NUP210L: variants seen among roughly 807,000 people sequenced by gnomAD.
NUP210L encodes the protein nuclear pore membrane glycoprotein 210-like.
A neutral mutation model predicts 208.5 loss-of-function variants in NUP210L; 74 were observed. The ratio of observed to expected loss-of-function variants is 0.35; its 90% CI spans 0.29 to 0.43. The LOEUF (loss-of-function observed/expected upper bound fraction) is 0.43, where lower values mean the gene tolerates loss of function less well. NUP210L is among the 20% of genes least tolerant of loss of function. NUP210L has a pLI of 1.00. For synonymous variants in NUP210L, 780 were observed against 816.9 expected, an observed-to-expected ratio of 0.95 and a Z score of 0.77; for missense variants, 1,843 against 2,289.4, an observed-to-expected ratio of 0.81 and a Z score of 3.98.
intron 36 of NUP210L, among the ~76,000 whole-genome samples, chr1:154,001,491 C>T (rs570907332): frequency 3.9e-5 from 6 of 152,086 alleles, no homozygotes; most frequent in Non-Finnish European, 8.8e-5. Context: ...CCACCGCGCT[C>T]GGCCAATCAT....
chr1:153,997,507 A>C (rs1571146498), intron 37 of NUP210L, among the ~76,000 whole-genome samples: 10 of 123,422 alleles, frequency 8.1e-5, no homozygotes, highest in African/African-American at 1.2e-4. Flanking sequence ...TTTCTTTCTC[A>C]CTCAGGCTGC....
chr1:154,010,472 A>G (rs1410685741), intron 34 of NUP210L, among the ~76,000 whole-genome samples: 2 of 152,088 alleles, frequency 1.3e-5, no homozygotes, highest in Admixed American at 6.6e-5. Flanking sequence ...CTCCCGGTTC[A>G]GGCAATTCTT....
intron 25 of NUP210L, among the ~76,000 whole-genome samples, chr1:154,052,839 C>T (rs2147982503): frequency 6.6e-6 from 1 of 152,298 alleles, no homozygotes; most frequent in South Asian, 2.1e-4. Context: ...TGATTGGTCC[C>T]CAAAGGGGAT....
chr1:154,023,210 T>C (rs1279892877), exon 31 of NUP210L: 1 of 1,613,900 alleles, frequency 6.2e-7, no homozygotes, highest in Non-Finnish European at 8.5e-7. Context: ...GTAAGAGACA[T>C]GCCCAAGGGA....
chr1:154,124,822 C>A (rs1051341265), intron 10 of NUP210L, among the ~76,000 whole-genome samples: 1 of 151,962 alleles, frequency 6.6e-6, no homozygotes, highest in Non-Finnish European at 1.5e-5. Context: ...TGTGGTGGCA[C>A]ACGCCTGTAG....
At chr1:154,031,994 T>C (rs1417698366) in intron 27 of NUP210L, among the ~76,000 whole-genome samples, 3 of 152,232 alleles carry the variant, frequency 2.0e-5, no homozygotes, top group Non-Finnish European at 4.4e-5. Flanking sequence ...CCTTCCAAAG[T>C]GCTGGGATTA....
intron 27 of NUP210L, among the ~76,000 whole-genome samples, chr1:154,042,222 C>T (rs1571205199): frequency 6.6e-6 from 1 of 152,034 alleles, no homozygotes; most frequent in Non-Finnish European, 1.5e-5. Flanking sequence ...ACCTCAACCT[C>T]CCTAGAAGCT....
At chr1:154,068,168 A>G (rs1197427802) in intron 17 of NUP210L, among the ~76,000 whole-genome samples, 2 of 152,166 alleles carry the variant, frequency 1.3e-5, no homozygotes, top group East Asian at 3.9e-4. Context: ...GCATCACACT[A>G]CCTGACTTCC....
intron 12 of NUP210L, among the ~76,000 whole-genome samples, chr1:154,105,394 C>T (rs1168284350): frequency 6.6e-6 from 1 of 151,372 alleles, no homozygotes. Context: ...GAGGCTGAGG[C>T]ATGAGAATTG....
Position 154,126,529 on chromosome 1 carries a change from C to T in NUP210L, c.1186-66G>A, listed in dbSNP as rs995232615. 1.3e-5 allele frequency: 18 copies of T among 1,378,384 alleles called. No homozygotes were observed. In the African/African-American group the frequency reaches 1.7e-4, roughly 13 times the overall value. The allele number at this position is 1,378,384 out of a possible 1,614,324, so 85.4% of individuals were successfully genotyped here. On this transcript the variant is annotated intron_variant, in intron 9 of 39. Transcript: ENST00000368559. ...TTCTTTCCCTGAAGTCATCTTAATC[C>T]CAAAGCATCTATAAAACTGTAGCTA...
intron 34 of NUP210L, among the ~76,000 whole-genome samples, chr1:154,011,884 A>T (rs1403283395): frequency 6.6e-6 from 1 of 151,132 alleles, no homozygotes. Context: ...ATGGGGTTTC[A>T]CCATGTTGGT....
chr1:154,001,810 T>G, exon 36 of NUP210L: 1 of 1,614,158 alleles, frequency 6.2e-7, no homozygotes, highest in Non-Finnish European at 8.5e-7. Flanking sequence ...TAAGAACCAA[T>G]TCTGACTGGT....
At chr1:154,062,670 C>T (rs1654204842) in intron 17 of NUP210L, among the ~76,000 whole-genome samples, 1 of 145,580 alleles carries the variant, frequency 6.9e-6, no homozygotes, top group South Asian at 2.2e-4. Context: ...TTACTGCAAC[C>T]TCTACCTACC....
intron 17 of NUP210L, 33 bp from the exon 18 acceptor site, chr1:154,061,707 A>G: frequency 7.8e-7 from 1 of 1,281,814 alleles, no homozygotes; most frequent in Non-Finnish European, 1.1e-6. Flanking sequence ...CCTGTGAGAA[A>G]CAATAACATG....
intron 7 of NUP210L, among the ~76,000 whole-genome samples, chr1:154,133,469 C>T (rs1299965158): frequency 6.7e-6 from 1 of 150,370 alleles, no homozygotes; most frequent in East Asian, 2.0e-4. Context: ...GAGGATTGCT[C>T]AAGGCTACTA....
chr1:154,057,724 G>GTGTA (rs1557946282), intron 22 of NUP210L, among the ~76,000 whole-genome samples: 6 of 150,982 alleles, frequency 4.0e-5, no homozygotes, highest in Non-Finnish European at 7.4e-5. Flanking sequence ...GTGTGTGTGT[G>GTGTA]TGTGTGTGTG....
At chr1:154,020,523 T>C (rs559305163) in intron 32 of NUP210L, among the ~76,000 whole-genome samples, 78 of 152,036 alleles carry the variant, frequency 5.1e-4, no homozygotes, top group Non-Finnish European at 8.1e-4. Context: ...ATAATTTAAT[T>C]ATTACTATTA....
In NUP210L at chr1:154,080,228, C is replaced by T. The variant is rs568909197; in HGVS notation, c.2361+9193G>A. On this transcript the variant is annotated intron_variant, in intron 16 of 39. Transcript: ENST00000368559. ...TACAAAAATGAGCCAGGCATTGTGG[C>T]GCATGCCTGTAATCCCAGCTACTCG... Among the ~76,000 whole-genome samples, 5 of 151,860 alleles carry T rather than the reference C, an allele frequency of 3.3e-5. No homozygotes were observed. The South Asian group carries it at 6.2e-4, about 19-fold the overall frequency.
chr1:154,095,049 C>A (rs781692321), exon 15 of NUP210L: 1 of 1,613,228 alleles, frequency 6.2e-7, no homozygotes, highest in Non-Finnish European at 8.5e-7. Flanking sequence ...CATTCAATTC[C>A]AAAAAAAATC....
Sources: allele counts gnomAD v4.1 joint callset (sites outside exome capture counted in the v4.1 genomes callset), GRCh38; gene constraint gnomAD v4.1.1; transcripts MANE v1.5; gene names NCBI Gene and HGNC (gene_info 2026-07-23, HGNC 2026-07-21).